Variants in MORN1 observed in about 807,000 individuals in gnomAD.
The protein encoded by MORN1 is MORN repeat-containing protein 1.
Under a neutral mutation model 61.9 loss-of-function variants are expected in MORN1, and 67 were observed. The ratio of observed to expected loss-of-function variants is 1.08; its 90% CI spans 0.89 to 1.33. The LOEUF (loss-of-function observed/expected upper bound fraction) is 1.33. Among genes scored for constraint, MORN1 ranks in the 40% most tolerant of loss-of-function variants. The pLI is 0.00. For missense variants in MORN1, 752 were observed against 691.2 expected, an observed-to-expected ratio of 1.09 and a Z score of -0.99; for synonymous variants, 301 against 292.0, an observed-to-expected ratio of 1.03 and a Z score of -0.31.
chr1:2,352,607 G>A (rs1641676289), intron 10 of MORN1: 2 of 152,392 alleles, frequency 1.3e-5, no homozygotes, highest in Admixed American at 1.3e-4. Context: ...ACTGTGGCCA[G>A]GCTTTGTCCC....
chr1:2,389,951 C>T lies in MORN1; in HGVS notation c.122G>A (p.Gly41Glu). ...VYPNSFFRYE[G>E]EWKAGRKHGH... ...GTGCTTCCTCCCTGCTTTCCATTCT[C>T]CTTCATATCGAAAGAAGGAATTTGG... is the stretch of plus-strand genomic sequence containing the variant. Residue 41 changes from glycine to glutamate, a missense_variant, in exon 2 of 14, where the codon GGA (glycine) becomes GAA (glutamate). Transcript: ENST00000378531. 6.2e-7 allele frequency: 1 copy of T among 1,614,146 alleles called. No individual in the cohort carries two copies. The highest frequency in any genetic ancestry group is 8.5e-7 in the Non-Finnish European group (1 of 1,179,994).
intron 12 of MORN1, among the ~76,000 whole-genome samples, chr1:2,325,436 C>T (rs1641006319): frequency 6.6e-6 from 1 of 151,118 alleles, no homozygotes; most frequent in Non-Finnish European, 1.5e-5. Context: ...CTTAGCCTTC[C>T]AAGGAGCTGG....
At chr1:2,345,829 CCA>C (rs57669691) in intron 10 of MORN1, among the ~76,000 whole-genome samples, 7,563 of 148,970 alleles carry the variant, frequency 0.051, 230 homozygotes, top group South Asian at 0.08. Context: ...ATGTATGCGG[CCA>C]CACACACACA....
intron 10 of MORN1, among the ~76,000 whole-genome samples, chr1:2,349,450 G>A (rs1182960069): frequency 6.6e-6 from 1 of 152,142 alleles, no homozygotes; most frequent in Non-Finnish European, 1.5e-5. Flanking sequence ...CGCACATCCC[G>A]AAGTCTGAGT....
intron 1 of MORN1, 39 bp from the exon 2 acceptor site, chr1:2,390,035 C>A (rs1289780996): frequency 6.4e-7 from 1 of 1,563,666 alleles, no homozygotes; most frequent in East Asian, 2.2e-5. Flanking sequence ...AGCACAGACA[C>A]AGAGATGAGG....
At chr1:2,376,148 A>AGAG (rs1380251349) in intron 6 of MORN1, 1 of 152,842 alleles carries the variant, frequency 6.5e-6, no homozygotes, top group Non-Finnish European at 1.5e-5. Context: ...CCTTGCATCC[A>AGAG]CAGAGCACCT....
chr1:2,343,612 G>A (rs1185393273), intron 10 of MORN1, among the ~76,000 whole-genome samples: 1 of 152,140 alleles, frequency 6.6e-6, no homozygotes, highest in Non-Finnish European at 1.5e-5. Flanking sequence ...GCATTCCCAC[G>A]AGCTGTTCTG....
intron 6 of MORN1, chr1:2,377,597 C>A (rs1381171320): frequency 6.6e-6 from 1 of 152,386 alleles, no homozygotes; most frequent in Non-Finnish European, 1.5e-5. Flanking sequence ...ATGGGAAGCA[C>A]TTCTGGTCCA....
intron 12 of MORN1, 147 bp downstream of exon 12, chr1:2,336,322 C>G: frequency 5.5e-6 from 4 of 723,958 alleles, no homozygotes; most frequent in East Asian, 2.9e-5. Flanking sequence ...GGCGGGGGGG[C>G]TCTCTGGAGC....
At chr1:2,346,455 G>T (rs1378033112) in intron 10 of MORN1, among the ~76,000 whole-genome samples, 1 of 152,080 alleles carries the variant, frequency 6.6e-6, no homozygotes, top group Non-Finnish European at 1.5e-5. Flanking sequence ...GCGCATTCTC[G>T]GCTCACTGCA....
chr1:2,323,233 C>G (rs1640923514), intron 13 of MORN1: 3 of 985,264 alleles, frequency 3.0e-6, no homozygotes, highest in South Asian at 9.4e-5. Flanking sequence ...CAAGGCCTCA[C>G]TGGCTACAGC....
At chr1:2,342,182 G>A (rs1257714346) in intron 10 of MORN1, among the ~76,000 whole-genome samples, 1 of 152,276 alleles carries the variant, frequency 6.6e-6, no homozygotes, top group Admixed American at 6.5e-5. Context: ...GGACGGGATC[G>A]GGCAGCTTGA....
chr1:2,339,132 G>T (rs1288612048), intron 10 of MORN1, among the ~76,000 whole-genome samples: 3 of 152,256 alleles, frequency 2.0e-5, no homozygotes, highest in South Asian at 4.1e-4. Flanking sequence ...GACGCTTTTT[G>T]TTGCAAGCGA....
intron 10 of MORN1, among the ~76,000 whole-genome samples, chr1:2,346,944 C>T (rs536831897): frequency 1.5e-4 from 23 of 152,328 alleles, no homozygotes; most frequent in Admixed American, 5.9e-4. Context: ...GCCACCGTCC[C>T]GCTGGCCAGG....
chr1:2,364,853 C>G (rs1258287363), intron 8 of MORN1, among the ~76,000 whole-genome samples: 1 of 152,050 alleles, frequency 6.6e-6, no homozygotes, highest in African/African-American at 2.4e-5. Context: ...TCAGGTTTGT[C>G]AAAGATCAGA....
intron 12 of MORN1, among the ~76,000 whole-genome samples, chr1:2,333,660 C>T (rs2643897): frequency 0.091 from 13,919 of 152,258 alleles, 747 homozygotes; most frequent in Middle Eastern, 0.19. Context: ...GGCCCTTGCC[C>T]CTGCCCTTCT....
intron 10 of MORN1, among the ~76,000 whole-genome samples, chr1:2,339,746 G>A (rs1641354789): frequency 2.6e-5 from 4 of 152,114 alleles, no homozygotes; most frequent in South Asian, 4.1e-4. Context: ...ACCCTCACAC[G>A]GAAGCCAGGT....
intron 10 of MORN1, among the ~76,000 whole-genome samples, chr1:2,350,184 T>C (rs1641614294): frequency 6.6e-6 from 1 of 152,260 alleles, no homozygotes; most frequent in African/African-American, 2.4e-5. Flanking sequence ...ATAAAATCAA[T>C]GTGCTTTGTT....
intron 12 of MORN1, among the ~76,000 whole-genome samples, chr1:2,325,125 TCCTTCCTTCCCTCCCTCCCTC>T (rs753454048): frequency 1.1e-3 from 35 of 30,750 alleles, no homozygotes; most frequent in South Asian, 3.1e-3. Flanking sequence ...TTCCTTCCCT[TCCTTCCTTCCCTCCCTCCCTC>T]CCTTCCTTCC....
Sources: gnomAD v4.1 joint callset for allele counts (sites outside exome capture counted in the v4.1 genomes callset) on GRCh38, gnomAD v4.1.1 for gene constraint, MANE v1.5 for transcripts, NCBI Gene and HGNC (gene_info 2026-07-23, HGNC 2026-07-21) for gene names.